Variants in SOCS2 observed in about 807,000 individuals in gnomAD.
SOCS2 encodes the protein CIS-2.
In SOCS2, 10 loss-of-function variants were observed where a neutral mutation model predicts 18.6. The ratio of observed to expected loss-of-function variants is 0.54; its 90% CI spans 0.33 to 0.91. SOCS2 has a LOEUF of 0.91. Ranked by LOEUF, SOCS2 falls within the 40% of genes least tolerant of loss-of-function variation. The pLI, the probability that SOCS2 is intolerant of heterozygous loss-of-function variation, is 0.02. For synonymous variants in SOCS2, 104 were observed against 104.0 expected, an observed-to-expected ratio of 1.00 and a Z score of 0.00; for missense variants, 231 against 247.2, an observed-to-expected ratio of 0.93 and a Z score of 0.44.
chr12:93,592,104 G>C, the SOCS2 span, among the ~76,000 whole-genome samples: 7 of 152,132 alleles, frequency 4.6e-5, no homozygotes, highest in Non-Finnish European at 1.0e-4. Context: ...CTCCCCAGAG[G>C]TAACTATTAT....
the SOCS2 span, among the ~76,000 whole-genome samples, chr12:93,622,602 T>C: frequency 6.6e-6 from 1 of 152,166 alleles, no homozygotes; most frequent in South Asian, 2.1e-4. Flanking sequence ...TAGCTGAGTG[T>C]CTCCTGAGCT....
intron 1 of SOCS2, chr12:93,582,895 G>C (rs1193068569): frequency 6.6e-6 from 1 of 151,994 alleles, no homozygotes; most frequent in African/African-American, 2.4e-5. Flanking sequence ...CCACCTATCA[G>C]TGGAGTCTCA....
upstream of SOCS2, chr12:93,572,670 G>C: frequency 1.2e-5 from 8 of 673,898 alleles, no homozygotes; most frequent in East Asian, 3.0e-5. The surrounding 1 kb of genome is among the most constrained non-coding windows in gnomAD (Gnocchi z 5.0). Context: ...CCAACCTCCC[G>C]CTTTCTCTTT....
the SOCS2 span, among the ~76,000 whole-genome samples, chr12:93,593,295 T>C: frequency 1.3e-5 from 2 of 152,108 alleles, no homozygotes; most frequent in Non-Finnish European, 2.9e-5. Context: ...TGCCTAAAGC[T>C]CTCCGCCTAC....
At chr12:93,623,646 C>A in the SOCS2 span, among the ~76,000 whole-genome samples, 2 of 152,034 alleles carry the variant, frequency 1.3e-5, no homozygotes, top group African/African-American at 4.8e-5. Flanking sequence ...TGGGCACTAC[C>A]CTCTAGGTAC....
downstream of SOCS2, among the ~76,000 whole-genome samples, chr12:93,577,518 CTT>C (rs751932008): frequency 1.4e-4 from 19 of 139,238 alleles, no homozygotes; most frequent in Admixed American, 1.4e-4. Context: ...TATCCTAGCT[CTT>C]TTTTTTTTTT....
At chr12:93,571,779 G>A (rs1954261517), upstream of SOCS2, 1 of 364,064 alleles carries the variant, frequency 2.7e-6, no homozygotes, top group Admixed American at 3.5e-5. Flanking sequence ...AAACGTTAAC[G>A]GGGGAAACAA....
At chr12:93,586,706 T>A (rs894897928), downstream of SOCS2, among the ~76,000 whole-genome samples, 5 of 152,256 alleles carry the variant, frequency 3.3e-5, no homozygotes, top group Admixed American at 3.3e-4. Flanking sequence ...TTTTCTACTC[T>A]AACCCAGATT....
the SOCS2 span, among the ~76,000 whole-genome samples, chr12:93,600,895 C>T: frequency 1.3e-5 from 2 of 150,928 alleles, no homozygotes; most frequent in African/African-American, 4.9e-5. Context: ...CTCAAGGGGT[C>T]CTTTTGCTTC....
chr12:93,611,820 T>G, the SOCS2 span, among the ~76,000 whole-genome samples: 4 of 152,346 alleles, frequency 2.6e-5, no homozygotes, highest in East Asian at 5.8e-4. Context: ...AGTACTATTA[T>G]GTGTACATTT....
chr12:93,596,019 C>G, the SOCS2 span, among the ~76,000 whole-genome samples: 4 of 152,256 alleles, frequency 2.6e-5, no homozygotes, highest in East Asian at 7.7e-4. Flanking sequence ...TTCCTACTTA[C>G]TCACAATTTA....
At chr12:93,602,775 G>C in the SOCS2 span, among the ~76,000 whole-genome samples, 2 of 152,124 alleles carry the variant, frequency 1.3e-5, no homozygotes, top group Non-Finnish European at 2.9e-5. Context: ...CTGCCTCAGA[G>C]CCCTGCATTC....
chr12:93,575,203 T>C lies in SOCS2; in HGVS notation c.*24T>C, dbSNP rs1045215971. On this transcript the variant is annotated 3_prime_UTR_variant, in exon 2 of 2. Transcript: ENST00000551556. Reference sequence around the variant, plus strand: ...AAATGTTTCTCTTTTTTTAAACATGTCTCACATAGAGTATCTCCGAATGCA... The same window carrying C: ...AAATGTTTCTCTTTTTTTAAACATGCCTCACATAGAGTATCTCCGAATGCA... 2.0e-6 allele frequency: 3 copies of C among 1,491,938 alleles called. No homozygotes were observed. The highest frequency in any genetic ancestry group is 1.4e-5 in the African/African-American group (1 of 71,006). 92.4% of individuals were successfully genotyped at this position (1,491,938 alleles called of 1,614,324 possible). A position where few individuals can be genotyped will look rare whatever the true frequency, so the allele number is the denominator to read the frequency against.
the SOCS2 span, among the ~76,000 whole-genome samples, chr12:93,614,616 T>C: frequency 8.4e-6 from 1 of 119,108 alleles, no homozygotes; most frequent in African/African-American, 3.7e-5. Context: ...TCTTTCTTTC[T>C]TTCTTTCTTT....
the SOCS2 span, among the ~76,000 whole-genome samples, chr12:93,623,992 C>A: frequency 3.6e-3 from 549 of 152,300 alleles, 2 homozygotes; most frequent in Middle Eastern, 0.014. Context: ...GTGTGAGCCA[C>A]CCCACCCAGC....
At chr12:93,601,089 C>T in the SOCS2 span, among the ~76,000 whole-genome samples, 1 of 143,994 alleles carries the variant, frequency 6.9e-6, no homozygotes, top group Non-Finnish European at 1.5e-5. Flanking sequence ...CCTTGCCTGG[C>T]TGGAATCTCT....
At chr12:93,609,496 T>A in the SOCS2 span, among the ~76,000 whole-genome samples, 6 of 151,670 alleles carry the variant, frequency 4.0e-5, 1 homozygote, top group East Asian at 1.2e-3. Flanking sequence ...AATAAATTAA[T>A]TACATTGATT....
the SOCS2 span, among the ~76,000 whole-genome samples, chr12:93,605,433 G>A: frequency 0.031 from 4,776 of 152,226 alleles, 259 homozygotes; most frequent in African/African-American, 0.11. Flanking sequence ...GAGGCCAGGG[G>A]CTTCAACCAT....
chr12:93,614,588 T>TTTCTTTCTTTCTTTCC, the SOCS2 span, among the ~76,000 whole-genome samples: 1 of 104,918 alleles, frequency 9.5e-6, no homozygotes, highest in Non-Finnish European at 1.8e-5. Context: ...TCTTTCTTTC[T>TTTCTTTCTTTCTTTCC]TTCTTTCTTT....
Sources: gnomAD v4.1 joint callset for allele counts (sites outside exome capture counted in the v4.1 genomes callset) on GRCh38, gnomAD v4.1.1 for gene constraint, Gnocchi (gnomAD v3.1) non-coding constraint, MANE v1.5 for transcripts, NCBI Gene and HGNC (gene_info 2026-07-23, HGNC 2026-07-21) for gene names.